Variants in MECOM observed in about 807,000 individuals in gnomAD.
The protein encoded by MECOM is MDS1 and EVI1 complex locus, also known as histone-lysine N-methyltransferase MECOM.
Under a neutral mutation model 116.3 loss-of-function variants are expected in MECOM, and 13 were observed. That is an observed-to-expected ratio of 0.11 (90% CI 0.07 to 0.18). The LOEUF (loss-of-function observed/expected upper bound fraction) is 0.18, where lower values mean the gene tolerates loss of function less well. Ranked by LOEUF, MECOM falls within the 10% of genes least tolerant of loss-of-function variation. MECOM has a pLI of 1.00. For synonymous variants in MECOM, 528 were observed against 535.2 expected, an observed-to-expected ratio of 0.99 and a Z score of 0.19; for missense variants, 1,299 against 1,509.0, an observed-to-expected ratio of 0.86 and a Z score of 2.31.
At chr3:169,518,861 G>GCT (rs10639964) in intron 1 of MECOM, among the ~76,000 whole-genome samples, 17,391 of 151,954 alleles carry the variant, frequency 0.11, 1,057 homozygotes, top group African/African-American at 0.12. Context: ...CCCTGCACAA[G>GCT]CTCTCTCTCT....
intron 1 of MECOM, among the ~76,000 whole-genome samples, chr3:169,538,067 G>A (rs1306972746): frequency 6.6e-6 from 1 of 152,072 alleles, no homozygotes; most frequent in Non-Finnish European, 1.5e-5. Flanking sequence ...TGGGGTCTAG[G>A]CATCAGTGCT....
intron 2 of MECOM, among the ~76,000 whole-genome samples, chr3:169,276,349 T>C (rs1037874265): frequency 2.6e-5 from 4 of 152,026 alleles, no homozygotes; most frequent in Admixed American, 1.3e-4. Context: ...ATCAGGAATT[T>C]GAGATCAGCC....
intron 2 of MECOM, among the ~76,000 whole-genome samples, chr3:169,241,120 A>G (rs1754743557): frequency 6.6e-6 from 1 of 152,188 alleles, no homozygotes; most frequent in Non-Finnish European, 1.5e-5. Context: ...TTACCCTATT[A>G]TTAAGCAACA....
At chr3:169,324,796 C>A (rs562985086) in intron 2 of MECOM, among the ~76,000 whole-genome samples, 18 of 152,280 alleles carry the variant, frequency 1.2e-4, no homozygotes, top group Non-Finnish European at 2.2e-4. Context: ...ACGCAGTTTG[C>A]CAGGAAGAAC....
chr3:169,111,493 T>C (rs1727392155), intron 9 of MECOM, among the ~76,000 whole-genome samples: 1 of 152,192 alleles, frequency 6.6e-6, no homozygotes, highest in African/African-American at 2.4e-5. Flanking sequence ...TATGAAACTT[T>C]ACAAGTACTA....
In MECOM at chr3:169,251,565, T is replaced by C. The variant is rs545571039; in HGVS notation, c.376-107733A>G. Among the ~76,000 whole-genome samples the C allele has an allele frequency of 3.9e-5, 6 of 152,282 alleles. No homozygotes were observed. In the East Asian group the frequency reaches 7.7e-4, roughly 20 times the overall value. On this transcript the variant is annotated intron_variant, in intron 2 of 16. Transcript: ENST00000651503. ...ATTCACACCACAAGAGCTTCTCTTATTCTTGATTCAGAAGCCGCCAGGACC... is the reference window on the plus strand; with the variant it reads ...ATTCACACCACAAGAGCTTCTCTTACTCTTGATTCAGAAGCCGCCAGGACC...
chr3:169,363,890 A>G (rs1207185674), intron 2 of MECOM, among the ~76,000 whole-genome samples: 1 of 151,934 alleles, frequency 6.6e-6, no homozygotes, highest in Non-Finnish European at 1.5e-5. Context: ...ACCTATCTAC[A>G]TATTTTGTTT....
At chr3:169,284,550 C>A (rs1712860784) in intron 2 of MECOM, among the ~76,000 whole-genome samples, 1 of 151,708 alleles carries the variant, frequency 6.6e-6, no homozygotes, top group South Asian at 2.1e-4. Flanking sequence ...TGCTGACATC[C>A]TTTTTTTAAA....
Position 169,084,889 on chromosome 3 carries a change from T to C in MECOM, c.*20A>G. ...ATGCTACTGTTGGACTTGGTCCCAC[T>C]CTGGTCAACCTTGATAACGTCATAC... On this transcript the variant is annotated 3_prime_UTR_variant, in exon 17 of 17. Transcript: ENST00000651503. 6.2e-7 allele frequency: 1 copy of C among 1,613,912 alleles called. No individual in the cohort carries two copies. Among genetic ancestry groups the C allele is most frequent in the Non-Finnish European group, 8.5e-7 (1 of 1,179,892 alleles).
At chr3:169,352,900 C>T (rs756827691) in intron 2 of MECOM, among the ~76,000 whole-genome samples, 3 of 151,920 alleles carry the variant, frequency 2.0e-5, no homozygotes, top group Non-Finnish European at 4.4e-5. Flanking sequence ...CTCAAGTACA[C>T]AATCTTATCT....
chr3:169,253,369 A>G (rs1429987569), intron 2 of MECOM, among the ~76,000 whole-genome samples: 1 of 150,734 alleles, frequency 6.6e-6, no homozygotes, highest in East Asian at 2.0e-4. Context: ...CCATTTGTAA[A>G]ACAAGCCACT....
chr3:169,422,787 A>G (rs1447490129), intron 1 of MECOM, among the ~76,000 whole-genome samples: 1 of 152,090 alleles, frequency 6.6e-6, no homozygotes, highest in Non-Finnish European at 1.5e-5. Flanking sequence ...CTCCCTTTAA[A>G]TCCAACTTCT....
chr3:169,262,484 C>A (rs1401147330), intron 2 of MECOM, among the ~76,000 whole-genome samples: 1 of 152,204 alleles, frequency 6.6e-6, no homozygotes, highest in Non-Finnish European at 1.5e-5. Flanking sequence ...TTACTCATCT[C>A]ATTCCCCAGC....
intron 2 of MECOM, among the ~76,000 whole-genome samples, chr3:169,292,682 G>A (rs1714808562): frequency 6.6e-6 from 1 of 152,146 alleles, no homozygotes. Context: ...AGCTGGTTAT[G>A]GGAAGGGGAG....
At chr3:169,625,488 A>C (rs1771258227) in intron 1 of MECOM, among the ~76,000 whole-genome samples, 2 of 152,216 alleles carry the variant, frequency 1.3e-5, no homozygotes, top group East Asian at 1.9e-4. Context: ...ATAAAGCAAC[A>C]CAACCCTCTA....
chr3:169,166,616 A>G (rs1471878233), intron 2 of MECOM, among the ~76,000 whole-genome samples: 1 of 151,938 alleles, frequency 6.6e-6, no homozygotes, highest in African/African-American at 2.4e-5. Context: ...ACAGAGACAG[A>G]ATATTGTTAT....
At chr3:169,447,336 T>C (rs1744818652) in intron 1 of MECOM, among the ~76,000 whole-genome samples, 1 of 152,146 alleles carries the variant, frequency 6.6e-6, no homozygotes, top group African/African-American at 2.4e-5. Flanking sequence ...AGGCATTTTG[T>C]AAATTTTAGT....
rs149547126 is a variant in MECOM, at chr3:169,567,442, C to T, written c.37+95894G>A. ...CATGCATGAGGTACCACAAATGCAA[C>T]CTCCTCTGATTTTATTACTTTAGCC... On this transcript the variant is annotated intron_variant, in intron 1 of 16. Coordinates refer to ENST00000651503, the MANE Select transcript of MECOM (RefSeq NM_004991.4). Among the ~76,000 whole-genome samples the T allele has an allele frequency of 1.1e-3, 175 of 152,298 alleles. 2 individuals are homozygous for T. In the East Asian group the frequency reaches 0.03, roughly 26 times the overall value.
At chr3:169,132,834 C>T (rs1306731590) in intron 3 of MECOM, among the ~76,000 whole-genome samples, 1 of 151,020 alleles carries the variant, frequency 6.6e-6, no homozygotes, top group South Asian at 2.1e-4. Flanking sequence ...CTCACAGCAG[C>T]CTCAACCTCC....
Sources: gnomAD v4.1 joint callset for allele counts (sites outside exome capture counted in the v4.1 genomes callset) on GRCh38, gnomAD v4.1.1 for gene constraint, MANE v1.5 for transcripts, NCBI Gene and HGNC (gene_info 2026-07-23, HGNC 2026-07-21) for gene names.